Variants in NDUFA5 observed in about 807,000 individuals in gnomAD.
NDUFA5 encodes the protein NADH:ubiquinone oxidoreductase subunit A5.
In NDUFA5, 11 loss-of-function variants were observed where a neutral mutation model predicts 19.8. The ratio of observed to expected loss-of-function variants is 0.56; its 90% CI spans 0.35 to 0.92. The LOEUF (loss-of-function observed/expected upper bound fraction) is 0.92, where lower values mean the gene tolerates loss of function less well. Among genes scored for constraint, NDUFA5 ranks in the 40% least tolerant of loss-of-function variants. The pLI is 0.01. For synonymous variants in NDUFA5, 47 were observed against 46.8 expected, an observed-to-expected ratio of 1.00 and a Z score of -0.01; for missense variants, 109 against 134.2, an observed-to-expected ratio of 0.81 and a Z score of 0.93.
At chr7:123,582,283 G>A in the NDUFA5 span, among the ~76,000 whole-genome samples, 24 of 151,808 alleles carry the variant, frequency 1.6e-4, no homozygotes, top group Admixed American at 1.6e-3. Flanking sequence ...GGGGAGGGGG[G>A]GTTGCATTAC....
upstream of NDUFA5, chr7:123,558,224 T>TCA: frequency 4.7e-6 from 1 of 213,214 alleles, no homozygotes; most frequent in Non-Finnish European, 9.6e-6. Flanking sequence ...TCCTCTGAAT[T>TCA]GATCTCTCAA....
upstream of NDUFA5, among the ~76,000 whole-genome samples, chr7:123,561,418 AT>A (rs1428234937): frequency 4.6e-5 from 7 of 152,220 alleles, no homozygotes; most frequent in Non-Finnish European, 1.0e-4. Context: ...AAGTTTTATC[AT>A]GAGATTGCAG....
chr7:123,550,685 GTT>G (rs1236764840), intron 2 of NDUFA5, 99 bp from the exon 3 acceptor site: 139 of 449,554 alleles, frequency 3.1e-4, no homozygotes, highest in East Asian at 4.9e-4. Context: ...ACTCACATCT[GTT>G]TTTTTTTTTT....
At chr7:123,557,935 T>C, upstream of NDUFA5, 1 of 1,438,536 alleles carries the variant, frequency 7.0e-7, no homozygotes, top group Non-Finnish European at 9.6e-7. Flanking sequence ...GAGCAAAGAC[T>C]CTGCCCCGCC....
the NDUFA5 span, among the ~76,000 whole-genome samples, chr7:123,583,676 G>A: frequency 6.6e-6 from 1 of 151,914 alleles, no homozygotes; most frequent in Non-Finnish European, 1.5e-5. Context: ...ACAGGAAAGA[G>A]GAGTAACATT....
chr7:123,573,152 A>G, the NDUFA5 span, among the ~76,000 whole-genome samples: 1 of 152,100 alleles, frequency 6.6e-6, no homozygotes, highest in Non-Finnish European at 1.5e-5. Flanking sequence ...TTTTAATTCC[A>G]TCATTTATGT....
At chr7:123,552,516 T>G (rs570972447) in intron 2 of NDUFA5, among the ~76,000 whole-genome samples, 77 of 151,514 alleles carry the variant, frequency 5.1e-4, no homozygotes, top group Non-Finnish European at 8.5e-4. Context: ...GGGATAGCAT[T>G]AGGAGAAATA....
the NDUFA5 span, among the ~76,000 whole-genome samples, chr7:123,596,658 G>T: frequency 1.3e-5 from 2 of 151,948 alleles, no homozygotes; most frequent in Non-Finnish European, 2.9e-5. Flanking sequence ...AAGAGAAAAA[G>T]AAAAATTTGA....
chr7:123,601,078 G>C, the NDUFA5 span, among the ~76,000 whole-genome samples: 1 of 152,168 alleles, frequency 6.6e-6, no homozygotes, highest in African/African-American at 2.4e-5. Context: ...AGGGGATAGA[G>C]GCCAGATGGC....
chr7:123,591,693 C>A, the NDUFA5 span, among the ~76,000 whole-genome samples: 2 of 152,022 alleles, frequency 1.3e-5, no homozygotes, highest in South Asian at 4.2e-4. Flanking sequence ...TTGCTGGATT[C>A]GGTTTGCCAG....
chr7:123,550,141 T>A, intron 3 of NDUFA5: 1 of 185,754 alleles, frequency 5.4e-6, no homozygotes. Context: ...TCTCTAAGAT[T>A]AGAAAAAGGA....
upstream of NDUFA5, among the ~76,000 whole-genome samples, chr7:123,559,189 T>TA (rs1210678288): frequency 2.0e-5 from 3 of 151,364 alleles, no homozygotes; most frequent in Non-Finnish European, 2.9e-5. Context: ...CAACTATGCT[T>TA]AAAAAAGATA....
At chr7:123,586,342 C>G in the NDUFA5 span, among the ~76,000 whole-genome samples, 1 of 151,712 alleles carries the variant, frequency 6.6e-6, no homozygotes, top group Non-Finnish European at 1.5e-5. Context: ...ATGTTGAGGA[C>G]CTTTTCACTC....
the NDUFA5 span, among the ~76,000 whole-genome samples, chr7:123,564,262 G>A: frequency 2.0e-5 from 3 of 152,194 alleles, no homozygotes; most frequent in East Asian, 5.8e-4. Context: ...TGTGTAATAT[G>A]GCACCACCTA....
chr7:123,562,785 T>C (rs1562902524), upstream of NDUFA5, among the ~76,000 whole-genome samples: 1 of 137,888 alleles, frequency 7.3e-6, no homozygotes, highest in Non-Finnish European at 1.5e-5. Flanking sequence ...CTTTTTCTTT[T>C]CTTTCTTTCT....
the NDUFA5 span, among the ~76,000 whole-genome samples, chr7:123,566,380 G>A: frequency 1.8e-3 from 272 of 152,238 alleles, 1 homozygote; most frequent in African/African-American, 6.2e-3. Flanking sequence ...ATTTCTGTTG[G>A]TTAAGCCACT....
Position 123,557,455 on chromosome 7 carries a change from AAAAAC to A in NDUFA5, c.22-12_22-8del. Reference sequence around the variant, plus strand: ...ATCCCACAAGGCCAGTGGTCTGTTCAAAAACAAAACACGATTCATGCTGTTTACTA... The same window carrying A: ...ATCCCACAAGGCCAGTGGTCTGTTCAAAAACACGATTCATGCTGTTTACTA... On this transcript the variant is annotated splice_polypyrimidine_tract_variant and splice_region_variant and intron_variant, in intron 1 of 4. Coordinates refer to ENST00000355749, the MANE Select transcript of NDUFA5 (RefSeq NM_005000.5). 1 of 1,612,496 alleles carries A rather than the reference AAAAAC, an allele frequency of 6.2e-7. No individual in the cohort carries two copies. The highest frequency in any genetic ancestry group is 8.5e-7 in the Non-Finnish European group (1 of 1,179,148).
At chr7:123,549,297 G>C (rs1375682000) in intron 3 of NDUFA5, among the ~76,000 whole-genome samples, 3 of 152,204 alleles carry the variant, frequency 2.0e-5, no homozygotes, top group African/African-American at 7.2e-5. Context: ...TTAAATAGCA[G>C]AGAAAAGGAT....
At chr7:123,558,906 CT>C (rs1798648045), upstream of NDUFA5, among the ~76,000 whole-genome samples, 1 of 151,940 alleles carries the variant, frequency 6.6e-6, no homozygotes, top group African/African-American at 2.4e-5. Context: ...GAGATGAGGC[CT>C]TTCATTAGAG....
Sources: allele counts gnomAD v4.1 joint callset (sites outside exome capture counted in the v4.1 genomes callset), GRCh38; gene constraint gnomAD v4.1.1; transcripts MANE v1.5; gene names NCBI Gene and HGNC (gene_info 2026-07-23, HGNC 2026-07-21).